LSP1: variants seen among roughly 807,000 people sequenced by gnomAD.
LSP1 encodes the protein lymphocyte specific protein 1.
Under a neutral mutation model 49.3 loss-of-function variants are expected in LSP1, and 32 were observed. The ratio of observed to expected loss-of-function variants is 0.65; its 90% confidence interval spans 0.49 to 0.87. LSP1 has a LOEUF of 0.87. Among genes scored for constraint, LSP1 ranks in the 40% least tolerant of loss-of-function variants. LSP1 has a pLI of 0.00. For synonymous variants in LSP1, 179 were observed against 178.8 expected, an observed-to-expected ratio of 1.00 and a Z score of -0.01; for missense variants, 428 against 442.6, an observed-to-expected ratio of 0.97 and a Z score of 0.30.
intron 1 of LSP1, among the ~76,000 whole-genome samples, chr11:1,873,169 G>A (rs1158217455): frequency 6.6e-6 from 1 of 151,912 alleles, no homozygotes; most frequent in African/African-American, 2.4e-5. Flanking sequence ...AGGGAGGATG[G>A]GGAGAGGGGA....
intron 1 of LSP1, among the ~76,000 whole-genome samples, chr11:1,856,784 C>T (rs1175458931): frequency 6.6e-6 from 1 of 152,254 alleles, no homozygotes; most frequent in Non-Finnish European, 1.5e-5. Context: ...CGCCCACCTG[C>T]CCTCCGAGCC....
At chr11:1,854,933 G>A (rs1160377520) in intron 1 of LSP1, among the ~76,000 whole-genome samples, 1 of 152,190 alleles carries the variant, frequency 6.6e-6, no homozygotes, top group Non-Finnish European at 1.5e-5. Flanking sequence ...CCCCGGGCCA[G>A]GAGCGGGGAG....
chr11:1,868,937 G>A (rs1332182373), intron 1 of LSP1: 2 of 986,066 alleles, frequency 2.0e-6, no homozygotes, highest in Non-Finnish European at 2.4e-6. Flanking sequence ...GAGGCCAGAG[G>A]GAGCATGGCC....
chr11:1,879,794 A>G (rs1489664828), intron 1 of LSP1, among the ~76,000 whole-genome samples: 1 of 152,144 alleles, frequency 6.6e-6, no homozygotes, highest in East Asian at 1.9e-4. Flanking sequence ...GAGTTTCTTC[A>G]GGCTTGAATG....
intron 1 of LSP1, among the ~76,000 whole-genome samples, chr11:1,863,042 C>A (rs1159350470): frequency 1.3e-5 from 2 of 152,158 alleles, no homozygotes; most frequent in African/African-American, 2.4e-5. Flanking sequence ...GTGGGCTCCT[C>A]TCTCCAGGAC....
intron 2 of LSP1, 45 bp from the exon 3 acceptor site, chr11:1,881,387 G>A: frequency 6.6e-6 from 10 of 1,515,060 alleles, no homozygotes; most frequent in South Asian, 1.2e-5. Flanking sequence ...CTGGGCAGAG[G>A]AGGCAGCAGC....
intron 1 of LSP1, chr11:1,870,342 C>T (rs961130132): frequency 1.2e-4 from 152 of 1,284,164 alleles, no homozygotes; most frequent in Non-Finnish European, 1.5e-4. Context: ...CACCCGGGGA[C>T]ATACACCGGG....
intron 1 of LSP1, among the ~76,000 whole-genome samples, chr11:1,867,364 T>A (rs1334953607): frequency 3.8e-5 from 4 of 105,048 alleles, no homozygotes; most frequent in African/African-American, 1.5e-4. Context: ...CACACACACA[T>A]GCACACACAC....
chr11:1,866,306 G>A (rs557187347), intron 1 of LSP1, among the ~76,000 whole-genome samples: 2 of 152,276 alleles, frequency 1.3e-5, no homozygotes, highest in South Asian at 4.1e-4. Context: ...GGCATCGGTC[G>A]GCTTGCCACT....
chr11:1,869,067 C>T, intron 1 of LSP1: 2 of 945,946 alleles, frequency 2.1e-6, no homozygotes, highest in Non-Finnish European at 2.5e-6. Flanking sequence ...GGGAGAGAAG[C>T]CCTTGGGTGA....
intron 1 of LSP1, among the ~76,000 whole-genome samples, chr11:1,878,821 C>G (rs1275096166): frequency 1.3e-5 from 2 of 152,184 alleles, no homozygotes; most frequent in South Asian, 2.1e-4. Flanking sequence ...ACCCTGGACC[C>G]CCTCTCAGGC....
intron 1 of LSP1, among the ~76,000 whole-genome samples, chr11:1,875,041 G>A (rs547648591): frequency 2.2e-4 from 34 of 152,274 alleles, no homozygotes; most frequent in Non-Finnish European, 4.6e-4. Context: ...CTCCTTTCTC[G>A]CGGCCTCCCT....
At chr11:1,858,997 GGGGAAGGGAGTTTGTGGCAGGGA>G in intron 1 of LSP1, among the ~76,000 whole-genome samples, 1 of 152,298 alleles carries the variant, frequency 6.6e-6, no homozygotes, top group Admixed American at 6.5e-5. Context: ...GTGGGTTGTC[GGGGAAGGGAGTTTGTGGCAGGGA>G]GGGCCTCTGA....
At chr11:1,865,840 A>G (rs1347957218) in intron 1 of LSP1, among the ~76,000 whole-genome samples, 1 of 151,754 alleles carries the variant, frequency 6.6e-6, no homozygotes, top group Non-Finnish European at 1.5e-5. Context: ...TTCACAGATC[A>G]TGAAACTGAA....
intron 10 of LSP1, chr11:1,888,941 C>T (rs1165124275): frequency 2.9e-5 from 14 of 486,888 alleles, no homozygotes; most frequent in South Asian, 2.1e-4. Context: ...CCAGCTCGTC[C>T]TCTCTGCCCC....
At chr11:1,883,783 C>T (rs1848646341) in intron 4 of LSP1, 149 bp from the exon 5 acceptor site, 2 of 891,986 alleles carry the variant, frequency 2.2e-6, no homozygotes, top group Non-Finnish European at 3.5e-6. Flanking sequence ...CTCCTCAGTC[C>T]CTCCCCACCA....
intron 1 of LSP1, chr11:1,864,134 AC>A: frequency 1.0e-6 from 1 of 973,526 alleles, no homozygotes; most frequent in South Asian, 4.8e-5. Context: ...GGACAGAGAC[AC>A]CAGAGGGAAA....
chr11:1,886,792 G>A lies in LSP1; in HGVS notation c.778G>A (p.Val260Met), dbSNP rs1394437978. ...CTCCATAGAGCTGCCCAGCATGGCT[G>A]TGGCCAGTACCAAGAGTCGGTGGGA... is the stretch of plus-strand genomic sequence containing the variant. ...QASIELPSMAVASTKSRWETG... is the reference protein window; with the variant it reads ...QASIELPSMAMASTKSRWETG... Residue 260 changes from valine (V) to methionine (M), a missense_variant, in exon 8 of 11, where the codon GTG becomes ATG. Transcript: ENST00000311604. The A allele has an allele frequency of 1.2e-6, 2 of 1,611,826 alleles. No homozygotes were observed. Among genetic ancestry groups the A allele is most frequent in the African/African-American group, 1.3e-5 (1 of 74,876 alleles).
chr11:1,879,754 G>A (rs1213267807), intron 1 of LSP1, among the ~76,000 whole-genome samples: 5 of 152,282 alleles, frequency 3.3e-5, no homozygotes, highest in East Asian at 3.9e-4. Flanking sequence ...GGCTGGGAGA[G>A]GGGGACAGAG....
Sources: gnomAD v4.1 joint callset for allele counts (sites outside exome capture counted in the v4.1 genomes callset) on GRCh38, gnomAD v4.1.1 for gene constraint, MANE v1.5 for transcripts, NCBI Gene and HGNC (gene_info 2026-07-23, HGNC 2026-07-21) for gene names.